PPP1R9A: variants seen among roughly 807,000 people sequenced by gnomAD.
PPP1R9A encodes the protein protein phosphatase 1 regulatory subunit 9A.
A neutral mutation model predicts 141.9 loss-of-function variants in PPP1R9A; 59 were observed. The ratio of observed to expected loss-of-function variants is 0.42; its 90% CI spans 0.34 to 0.52. The LOEUF (loss-of-function observed/expected upper bound fraction) is 0.52, where lower values mean the gene tolerates loss of function less well. Among genes scored for constraint, PPP1R9A ranks in the 20% least tolerant of loss-of-function variants. The pLI, the probability that PPP1R9A is intolerant of heterozygous loss-of-function variation, is 0.10. For missense variants in PPP1R9A, 1,444 were observed against 1,611.9 expected, an observed-to-expected ratio of 0.90 and a Z score of 1.78; for synonymous variants, 500 against 569.7, an observed-to-expected ratio of 0.88 and a Z score of 1.74.
intron 7 of PPP1R9A, among the ~76,000 whole-genome samples, chr7:95,209,157 A>G (rs1393315319): frequency 6.6e-6 from 1 of 152,098 alleles, no homozygotes. Context: ...TATTTATTGA[A>G]TAGGCTTTAT....
chr7:95,117,193 C>A (rs1310717373), intron 3 of PPP1R9A, among the ~76,000 whole-genome samples: 1 of 151,790 alleles, frequency 6.6e-6, no homozygotes, highest in South Asian at 2.1e-4. Flanking sequence ...CTGTCTTTGC[C>A]GTCATTTTAT....
At chr7:95,235,969 A>T (rs11766452) in intron 8 of PPP1R9A, among the ~76,000 whole-genome samples, 3 of 151,908 alleles carry the variant, frequency 2.0e-5, no homozygotes, top group East Asian at 1.9e-4. Flanking sequence ...ATGAGTGATA[A>T]GTTGGACTTT....
intron 7 of PPP1R9A, among the ~76,000 whole-genome samples, chr7:95,211,653 G>C (rs1792153565): frequency 6.6e-6 from 1 of 152,072 alleles, no homozygotes; most frequent in Admixed American, 6.6e-5. Context: ...GACTTGTTGG[G>C]TCTGTCACTC....
intron 2 of PPP1R9A, chr7:95,036,840 G>A (rs1011583127): frequency 6.6e-6 from 1 of 152,106 alleles, no homozygotes; most frequent in Non-Finnish European, 1.5e-5. Context: ...GGGTAGGAGG[G>A]CAGATAAGAG....
At chr7:95,080,395 C>G (rs1182758164) in intron 2 of PPP1R9A, among the ~76,000 whole-genome samples, 1 of 152,140 alleles carries the variant, frequency 6.6e-6, no homozygotes, top group South Asian at 2.1e-4. Context: ...ACGTGAAGGA[C>G]CTCTTCAAGG....
At chr7:95,278,251 G>A (rs1398600177) in intron 16 of PPP1R9A, among the ~76,000 whole-genome samples, 1 of 152,128 alleles carries the variant, frequency 6.6e-6, no homozygotes, top group African/African-American at 2.4e-5. Context: ...GTTGCCTCTA[G>A]TCAGATAAGG....
chr7:95,274,056 C>G (rs1242592002), intron 15 of PPP1R9A, 29 bp from the exon 16 acceptor site: 5 of 1,515,504 alleles, frequency 3.3e-6, no homozygotes, highest in Non-Finnish European at 4.5e-6. Flanking sequence ...TTTCAGCTTC[C>G]CCTTTCTGAC....
At chr7:95,028,399 A>T (rs781384711) in intron 2 of PPP1R9A, among the ~76,000 whole-genome samples, 5 of 152,228 alleles carry the variant, frequency 3.3e-5, no homozygotes, top group Non-Finnish European at 7.3e-5. Flanking sequence ...AAATGAATTC[A>T]TATTGCTTAC....
At chr7:95,283,744 A>G (rs1585631830) in intron 16 of PPP1R9A, among the ~76,000 whole-genome samples, 1 of 152,186 alleles carries the variant, frequency 6.6e-6, no homozygotes, top group South Asian at 2.1e-4. Context: ...CTCCCTGATT[A>G]TAATTCATCT....
chr7:95,072,836 A>ATAATATATATTAT (rs1814139079), intron 2 of PPP1R9A, among the ~76,000 whole-genome samples: 1 of 55,036 alleles, frequency 1.8e-5, no homozygotes, highest in Non-Finnish European at 2.9e-5. Flanking sequence ...TATATATAAT[A>ATAATATATATTAT]ATTATTATAT....
intron 18 of PPP1R9A, among the ~76,000 whole-genome samples, chr7:95,286,820 G>A (rs1805427253): frequency 1.3e-5 from 2 of 150,856 alleles, no homozygotes; most frequent in Non-Finnish European, 2.9e-5. Flanking sequence ...GGAGATAAAT[G>A]TGTACAAGAG....
chr7:95,209,433 C>A (rs749216091), intron 7 of PPP1R9A, among the ~76,000 whole-genome samples: 11 of 152,012 alleles, frequency 7.2e-5, no homozygotes, highest in Non-Finnish European at 1.5e-4. Context: ...TTGTGGGAAG[C>A]GGTTACATGC....
intron 2 of PPP1R9A, among the ~76,000 whole-genome samples, chr7:94,940,390 C>T (rs1795211671): frequency 6.6e-6 from 1 of 151,690 alleles, no homozygotes; most frequent in African/African-American, 2.4e-5. Flanking sequence ...TGGAACTTAG[C>T]CTATTTCATC....
intron 2 of PPP1R9A, among the ~76,000 whole-genome samples, chr7:95,089,219 C>T (rs895867990): frequency 1.5e-4 from 23 of 152,038 alleles, no homozygotes; most frequent in African/African-American, 5.6e-4. Flanking sequence ...ACAATGACTA[C>T]TACCACTTTT....
intron 12 of PPP1R9A, among the ~76,000 whole-genome samples, chr7:95,267,871 AACTAAGT>A: frequency 6.6e-6 from 1 of 152,242 alleles, no homozygotes; most frequent in African/African-American, 2.4e-5. Context: ...AATACTAGTA[AACTAAGT>A]ACTTACGATT....
chr7:95,276,342 T>C (rs948273609), intron 16 of PPP1R9A, among the ~76,000 whole-genome samples: 2 of 152,186 alleles, frequency 1.3e-5, no homozygotes, highest in Admixed American at 1.3e-4. Flanking sequence ...CAATCTTGAT[T>C]GTGTTGGTGA....
chr7:95,181,377 T>C (rs891913138), intron 5 of PPP1R9A, among the ~76,000 whole-genome samples: 2 of 138,054 alleles, frequency 1.4e-5, no homozygotes, highest in South Asian at 2.2e-4. Flanking sequence ...ATGGAATATA[T>C]AGAGAGAATA....
chr7:95,197,645 TTTG>T (rs58681960), intron 5 of PPP1R9A, among the ~76,000 whole-genome samples: 38 of 151,794 alleles, frequency 2.5e-4, no homozygotes, highest in Non-Finnish European at 4.4e-4. Flanking sequence ...CGTCAAAATG[TTTG>T]TTGTTGTTGT....
chr7:95,247,452 T>C, intron 8 of PPP1R9A, 21 bp from the exon 9 acceptor site: 1 of 1,586,064 alleles, frequency 6.3e-7, no homozygotes, highest in Admixed American at 1.7e-5. Context: ...TTCAGATTTT[T>C]TCTTTCTTTT....
Sources: allele counts gnomAD v4.1 joint callset (sites outside exome capture counted in the v4.1 genomes callset), GRCh38; gene constraint gnomAD v4.1.1; transcripts MANE v1.5; gene names NCBI Gene and HGNC (gene_info 2026-07-23, HGNC 2026-07-21).